The following TUBB8 variants were observed in gnomAD, a reference collection of about 807,000 sequenced individuals.
TUBB8 encodes tubulin beta 8 class VIII, also known as tubulin beta-8 chain.
A neutral mutation model predicts 33.7 loss-of-function variants in TUBB8; 25 were observed. That is an observed-to-expected ratio of 0.74 (90% CI 0.54 to 1.04). The LOEUF is 1.04. TUBB8 is among the 50% of genes least tolerant of loss of function. TUBB8 has a pLI of 0.00. For synonymous variants in TUBB8, 245 were observed against 240.1 expected (o/e 1.02, Z -0.19); for missense variants, 279 against 608.0 (o/e 0.46, Z 5.69).
At chr10:58,734 C>A (rs1279114399) in intron 1 of TUBB8, among the ~76,000 whole-genome samples, 1 of 152,136 alleles carries the variant, frequency 6.6e-6, no homozygotes, top group East Asian at 1.9e-4. Flanking sequence ...AGTAATCCAC[C>A]CCAATGGTTA....
At chr10:49,039 C>T in intron 1 of TUBB8, 127 bp from the exon 2 acceptor site, 1 of 1,269,314 alleles carries the variant, frequency 7.9e-7, no homozygotes, top group Non-Finnish European at 1.1e-6. Context: ...TCCACCCCGG[C>T]CGCCTCGCCA....
chr10:63,175 G>A (rs372560659), intron 1 of TUBB8, among the ~76,000 whole-genome samples: 5 of 152,012 alleles, frequency 3.3e-5, no homozygotes, highest in South Asian at 2.1e-4. Flanking sequence ...CTGGGTTCAC[G>A]CCATTCTCCT....
At chr10:72,851 CA>C (rs1321880357) in intron 1 of TUBB8, among the ~76,000 whole-genome samples, 126 of 115,488 alleles carry the variant, frequency 1.1e-3, no homozygotes, top group African/African-American at 2.7e-3. Context: ...CACTCCATCT[CA>C]AAAAAAAAAA....
upstream of TUBB8, among the ~76,000 whole-genome samples, chr10:53,974 G>A (rs1834499759): frequency 6.6e-6 from 1 of 151,930 alleles, no homozygotes; most frequent in East Asian, 1.9e-4. Context: ...ATACAGGCAT[G>A]CAATCAGTAA....
At chr10:68,455 C>T (rs777394632) in intron 1 of TUBB8, among the ~76,000 whole-genome samples, 2 of 152,190 alleles carry the variant, frequency 1.3e-5, no homozygotes, top group Non-Finnish European at 2.9e-5. Context: ...ATATTGCAGC[C>T]GCAATACTGA....
chr10:75,085 G>C (rs1347792914), upstream of TUBB8, among the ~76,000 whole-genome samples: 1 of 151,590 alleles, frequency 6.6e-6, no homozygotes, highest in Non-Finnish European at 1.5e-5. Flanking sequence ...ATGTTGACCA[G>C]GCTGGTCTCG....
chr10:61,576 C>G (rs1254617421), intron 1 of TUBB8, among the ~76,000 whole-genome samples: 3 of 152,190 alleles, frequency 2.0e-5, no homozygotes, highest in African/African-American at 7.2e-5. Context: ...TATTCTGCAG[C>G]TGTTGGATGA....
chr10:47,849 C>T lies in TUBB8; in HGVS notation c.543G>A (p.Glu181=), dbSNP rs1454583400. The change falls in exon 4 of 4, where the codon GAG becomes GAA. Residue 181 remains glutamate (E), a synonymous_variant. Transcript: ENST00000568584. The stretch of plus-strand genomic sequence containing the variant: ...GGACTGAGAGGGTGGCGTTGTAGGG[C>T]TCCACCACGGTGTCCGACACCTTGG... ...PSPKVSDTVV[E]PYNATLSVHQ... is the part of the protein sequence containing the mutation. 6.2e-7 allele frequency: 1 copy of T among 1,614,124 alleles called. No individual in the cohort carries two copies. Among genetic ancestry groups the T allele is most frequent in the Non-Finnish European group, 8.5e-7 (1 of 1,180,050 alleles).
chr10:50,638 G>A (rs113131697), upstream of TUBB8, among the ~76,000 whole-genome samples: 1 of 152,282 alleles, frequency 6.6e-6, no homozygotes, highest in African/African-American at 2.4e-5. Context: ...GCCCTTGGGG[G>A]TCAGGAGTCC....
At chr10:72,652 A>T (rs1300931213) in intron 1 of TUBB8, among the ~76,000 whole-genome samples, 1 of 152,122 alleles carries the variant, frequency 6.6e-6, no homozygotes. Flanking sequence ...GAAGTTCAAG[A>T]CCAGCCTGGC....
intron 1 of TUBB8, among the ~76,000 whole-genome samples, chr10:58,883 G>A (rs1401188344): frequency 6.6e-6 from 1 of 152,156 alleles, no homozygotes; most frequent in Non-Finnish European, 1.5e-5. Context: ...ACAATAATTT[G>A]ACTTCTTTTC....
chr10:55,901 A>AT (rs1834524527), intron 1 of TUBB8, among the ~76,000 whole-genome samples: 1 of 152,240 alleles, frequency 6.6e-6, no homozygotes, highest in Non-Finnish European at 1.5e-5. Context: ...TGATAGTATA[A>AT]TTTAAAACCA....
At chr10:64,153 C>T (rs1455081418) in intron 1 of TUBB8, among the ~76,000 whole-genome samples, 2 of 152,116 alleles carry the variant, frequency 1.3e-5, no homozygotes, top group Admixed American at 6.6e-5. Flanking sequence ...GTAACATAAG[C>T]ACCCCTGAGG....
chr10:52,618 G>A (rs375929905), upstream of TUBB8, among the ~76,000 whole-genome samples: 1 of 152,244 alleles, frequency 6.6e-6, no homozygotes, highest in Admixed American at 6.5e-5. Flanking sequence ...TTTTAACAAT[G>A]ACCATTAACC....
chr10:73,275 G>C (rs187778535), intron 1 of TUBB8, among the ~76,000 whole-genome samples: 17,478 of 117,576 alleles, frequency 0.15, no homozygotes, highest in African/African-American at 0.28. Context: ...GTGCAGTGGC[G>C]TGAGCATGAT....
At chr10:52,772 A>C (rs1190226739), upstream of TUBB8, among the ~76,000 whole-genome samples, 17 of 152,366 alleles carry the variant, frequency 1.1e-4, no homozygotes, top group African/African-American at 3.8e-4. Flanking sequence ...CAGTAAAAAA[A>C]TGTGGCTATT....
chr10:75,538 G>A (rs1304719614), upstream of TUBB8, among the ~76,000 whole-genome samples: 3 of 147,638 alleles, frequency 2.0e-5, no homozygotes, highest in Non-Finnish European at 3.0e-5. Context: ...GCCTGTAATC[G>A]TAGCTACTCC....
At chr10:70,892 A>T (rs376704349) in intron 1 of TUBB8, among the ~76,000 whole-genome samples, 7 of 152,318 alleles carry the variant, frequency 4.6e-5, no homozygotes, top group African/African-American at 1.7e-4. Flanking sequence ...CAAACTGGAA[A>T]CAGAGAGAAA....
chr10:52,193 C>T (rs1160124191), upstream of TUBB8, among the ~76,000 whole-genome samples: 1 of 152,218 alleles, frequency 6.6e-6, no homozygotes, highest in African/African-American at 2.4e-5. Flanking sequence ...ACCCTAGGGC[C>T]TCTCACTTAA....
Sources: allele counts gnomAD v4.1 joint callset (sites outside exome capture counted in the v4.1 genomes callset), GRCh38; gene constraint gnomAD v4.1.1; transcripts MANE v1.5; gene names NCBI Gene and HGNC (gene_info 2026-07-23, HGNC 2026-07-21).